RORA: variants seen among roughly 807,000 people sequenced by gnomAD.
RORA encodes the protein nuclear receptor ROR-alpha.
Under a neutral mutation model 69.5 loss-of-function variants are expected in RORA, and 7 were observed. That is an observed-to-expected ratio of 0.10 (90% CI 0.06 to 0.19). RORA has a LOEUF of 0.19. RORA is among the 10% of genes least tolerant of loss of function. RORA has a pLI of 1.00. For synonymous variants in RORA, 261 were observed against 240.8 expected (o/e 1.08, Z -0.78); for missense variants, 457 against 663.0 (o/e 0.69, Z 3.41).
intron 1 of RORA, among the ~76,000 whole-genome samples, chr15:61,211,442 C>T (rs113000173): frequency 6.6e-6 from 1 of 152,206 alleles, no homozygotes; most frequent in Admixed American, 6.5e-5. Flanking sequence ...CCAAGGCCTT[C>T]CCACTGTCAG....
chr15:61,160,076 C>T (rs2079481232), intron 1 of RORA, among the ~76,000 whole-genome samples: 1 of 152,158 alleles, frequency 6.6e-6, no homozygotes, highest in Admixed American at 6.5e-5. Context: ...TAAACACCTA[C>T]ATCAAAAGGT....
intron 1 of RORA, among the ~76,000 whole-genome samples, chr15:60,707,637 A>T (rs539649691): frequency 1.3e-5 from 2 of 152,276 alleles, no homozygotes; most frequent in Admixed American, 1.3e-4. Context: ...TGCTGGGATT[A>T]CAGGCGTGAG....
At chr15:61,181,724 T>A (rs1215157881) in intron 1 of RORA, among the ~76,000 whole-genome samples, 1 of 146,742 alleles carries the variant, frequency 6.8e-6, no homozygotes, top group South Asian at 2.2e-4. Flanking sequence ...GTCATTTCCA[T>A]GTTCAGCTTT....
At chr15:61,197,546 A>G (rs1336529084) in intron 1 of RORA, among the ~76,000 whole-genome samples, 1 of 152,152 alleles carries the variant, frequency 6.6e-6, no homozygotes, top group Non-Finnish European at 1.5e-5. Flanking sequence ...CTCTGGTTTC[A>G]TTGGCAGATC....
At chr15:60,609,467 A>G (rs1435415749) in intron 2 of RORA, among the ~76,000 whole-genome samples, 1 of 152,190 alleles carries the variant, frequency 6.6e-6, no homozygotes, top group African/African-American at 2.4e-5. Context: ...AAAACCCTCA[A>G]CATCTCATAC....
Position 61,027,901 on chromosome 15 carries a change from C to A in RORA, c.166+201152G>T, listed in dbSNP as rs1435907693. On this transcript the variant is annotated intron_variant, in intron 1 of 10. Coordinates refer to ENST00000335670, the MANE Select transcript of RORA (RefSeq NM_134261.3). ...AGGAGAAATAAATGACCTTACAAACCTAAAGCCCATAGCACTGTGAGTACC... is the reference window on the plus strand; with the variant it reads ...AGGAGAAATAAATGACCTTACAAACATAAAGCCCATAGCACTGTGAGTACC... Among the ~76,000 whole-genome samples, 5 of 152,312 alleles carry A rather than the reference C, an allele frequency of 3.3e-5. No individual in the cohort carries two copies. The South Asian group carries it at 6.2e-4, about 19-fold the overall frequency.
intron 1 of RORA, among the ~76,000 whole-genome samples, chr15:60,764,543 G>A (rs1453899577): frequency 2.0e-5 from 3 of 151,974 alleles, no homozygotes; most frequent in African/African-American, 7.3e-5. Context: ...GCATGGAATG[G>A]AAATCATTTG....
intron 1 of RORA, among the ~76,000 whole-genome samples, chr15:61,203,323 G>T (rs1405056433): frequency 6.6e-6 from 1 of 152,166 alleles, no homozygotes; most frequent in African/African-American, 2.4e-5. Flanking sequence ...TCTAGCTTTG[G>T]GAGGATATTG....
In RORA at chr15:60,499,907, A is replaced by G. The variant is rs915243351; in HGVS notation, c.1392T>C (p.Asp464=). The G allele has an allele frequency of 1.2e-6, 2 of 1,601,944 alleles. No homozygotes were observed. Among genetic ancestry groups the G allele is most frequent in the South Asian group, 1.1e-5 (1 of 90,424 alleles). Residue 464 remains aspartate (D), a synonymous_variant, in exon 10 of 11, where the codon GAT becomes GAC. Transcript: ENST00000335670. The part of the protein sequence containing the change: ...QHVLQKNHRE[D]GILTKLICKV... The stretch of plus-strand genomic sequence containing the variant: ...TGGCACTCACCTTTGTTAGTATTCC[A>G]TCTTCTCGGTGATTCTTCTGTAGGA...
intron 1 of RORA, among the ~76,000 whole-genome samples, chr15:60,899,868 T>C (rs17270578): frequency 0.085 from 12,980 of 152,302 alleles, 714 homozygotes; most frequent in Non-Finnish European, 0.12. Flanking sequence ...GAGATGCTGT[T>C]AAGGCCTTCC....
At chr15:61,139,149 A>G (rs2079273744) in intron 1 of RORA, among the ~76,000 whole-genome samples, 1 of 152,182 alleles carries the variant, frequency 6.6e-6, no homozygotes, top group Admixed American at 6.5e-5. Context: ...GTCTAAAAAA[A>G]AAAAAAAAGT....
intron 1 of RORA, among the ~76,000 whole-genome samples, chr15:61,201,190 A>G (rs1348794748): frequency 3.3e-5 from 5 of 152,238 alleles, no homozygotes; most frequent in Admixed American, 3.3e-4. Context: ...ACCCAAGCAA[A>G]GTCAGGCCAG....
intron 2 of RORA, among the ~76,000 whole-genome samples, chr15:60,666,362 T>C (rs1460411331): frequency 6.6e-6 from 1 of 150,586 alleles, no homozygotes; most frequent in East Asian, 1.9e-4. Flanking sequence ...TTTTTTTTTT[T>C]TTTTGTAGAT....
intron 1 of RORA, among the ~76,000 whole-genome samples, chr15:61,136,296 G>T: frequency 6.7e-6 from 1 of 149,726 alleles, no homozygotes; most frequent in African/African-American, 2.5e-5. Context: ...CCCCCATTTT[G>T]TTTCTTAAAC....
chr15:60,663,477 C>T (rs538271543), intron 2 of RORA, among the ~76,000 whole-genome samples: 5 of 152,134 alleles, frequency 3.3e-5, no homozygotes, highest in African/African-American at 1.2e-4. Context: ...GTTGCTGTTA[C>T]GGAGTTTCAC....
At chr15:60,611,559 CAAAAAAAAAAAAAA>C (rs533598270) in intron 2 of RORA, among the ~76,000 whole-genome samples, 14 of 35,810 alleles carry the variant, frequency 3.9e-4, no homozygotes, top group Non-Finnish European at 5.1e-4. Flanking sequence ...TTGAGTTTTG[CAAAAAAAAAAAAAA>C]AAAAAAAAAA....
At chr15:61,174,378 C>G (rs931489354) in intron 1 of RORA, among the ~76,000 whole-genome samples, 2 of 152,194 alleles carry the variant, frequency 1.3e-5, no homozygotes, top group Non-Finnish European at 2.9e-5. Flanking sequence ...CAGCTCTTAG[C>G]CAACCACTGG....
At chr15:60,622,243 A>G (rs1163679107) in intron 2 of RORA, among the ~76,000 whole-genome samples, 1 of 152,148 alleles carries the variant, frequency 6.6e-6, no homozygotes, top group Admixed American at 6.5e-5. Flanking sequence ...ACTTTTCTAT[A>G]AGTTTGAAAT....
At chr15:61,036,367 C>T (rs368153746) in intron 1 of RORA, among the ~76,000 whole-genome samples, 2 of 152,096 alleles carry the variant, frequency 1.3e-5, no homozygotes, top group African/African-American at 2.4e-5. Flanking sequence ...CATTGGTTTG[C>T]GTTTACTATA....
Sources: allele counts gnomAD v4.1 joint callset (sites outside exome capture counted in the v4.1 genomes callset), GRCh38; gene constraint gnomAD v4.1.1; transcripts MANE v1.5; gene names NCBI Gene and HGNC (gene_info 2026-07-23, HGNC 2026-07-21).